The following WDR35 variants were observed in gnomAD, a reference collection of about 807,000 sequenced individuals.
WDR35 encodes the protein WD repeat domain 35, also known as WD repeat-containing protein 35.
In WDR35, 118 loss-of-function variants were observed where a neutral mutation model predicts 158.3. The ratio of observed to expected loss-of-function variants is 0.75; its 90% confidence interval spans 0.64 to 0.87. The LOEUF is 0.87. WDR35 is among the 40% of genes least tolerant of loss of function. The pLI is 0.00. For synonymous variants in WDR35, 448 were observed against 476.1 expected, an observed-to-expected ratio of 0.94 and a Z score of 0.77; for missense variants, 1,263 against 1,405.8, an observed-to-expected ratio of 0.90 and a Z score of 1.62.
intron 26 of WDR35, 21 bp downstream of exon 26, chr2:19,914,016 C>G: frequency 6.2e-7 from 1 of 1,613,328 alleles, no homozygotes; most frequent in Non-Finnish European, 8.5e-7. Flanking sequence ...GAATGGCATC[C>G]ACTAATTAAA....
chr2:19,970,867 C>T (rs1262313945), intron 8 of WDR35, among the ~76,000 whole-genome samples: 1 of 152,186 alleles, frequency 6.6e-6, no homozygotes, highest in African/African-American at 2.4e-5. Context: ...GCTTCCTCAA[C>T]GAGTCCTGCC....
rs1328370575 is a variant in WDR35, at chr2:19,941,644, G to T, written c.1926+115C>A. On this transcript the variant is annotated intron_variant, in intron 17 of 26. Coordinates refer to ENST00000281405, the MANE Select transcript of WDR35 (RefSeq NM_020779.4). ...CTGAACAATAAGAGAGCAGGGCTGG[G>T]CCTGAGATATATCTGACTCCTGGGT... The T allele has an allele frequency of 5.5e-6, 4 of 726,122 alleles. No homozygotes were observed. In the Admixed American group the frequency reaches 7.6e-5, roughly 14 times the overall value. The allele number at this position is 726,122 out of a possible 1,614,324, so 45.0% of individuals were successfully genotyped here.
intron 12 of WDR35, among the ~76,000 whole-genome samples, 167 bp downstream of exon 12, chr2:19,953,667 T>C (rs1016217989): frequency 6.6e-6 from 1 of 152,212 alleles, no homozygotes; most frequent in Non-Finnish European, 1.5e-5. Flanking sequence ...TTCTCTTTTA[T>C]TTTAATAAAT....
At chr2:19,977,397 T>A (rs1306149739) in intron 5 of WDR35, among the ~76,000 whole-genome samples, 2 of 152,190 alleles carry the variant, frequency 1.3e-5, no homozygotes, top group Non-Finnish European at 2.9e-5. Flanking sequence ...GGCATTACCA[T>A]CCATCCAGCT....
At chr2:19,968,613 G>A (rs1671932971) in intron 9 of WDR35, among the ~76,000 whole-genome samples, 1 of 152,222 alleles carries the variant, frequency 6.6e-6, no homozygotes, top group African/African-American at 2.4e-5. Flanking sequence ...TTTGTTGTCT[G>A]AGCACTTCCT....
In WDR35 at chr2:19,965,513, A is replaced by G. The variant is rs949887335; in HGVS notation, c.1194+1211T>C. 3.3e-5 allele frequency among the ~76,000 whole-genome samples: 5 copies of G among 152,302 alleles called. No homozygotes were observed. In the East Asian group the frequency reaches 9.6e-4, roughly 29 times the overall value. ...GAACAGGTCGAATTCTCCTGAGAAGATTTCCAAACTCCCACCTCAAAGCTC... is the reference window on the plus strand; with the variant it reads ...GAACAGGTCGAATTCTCCTGAGAAGGTTTCCAAACTCCCACCTCAAAGCTC... On this transcript the variant is annotated intron_variant, in intron 10 of 26. Coordinates refer to ENST00000281405, the MANE Select transcript of WDR35 (RefSeq NM_020779.4).
Position 19,913,717 on chromosome 2 carries a change from CG to C in WDR35, c.3363-10del. 1 of 1,613,740 alleles carries C rather than the reference CG, an allele frequency of 6.2e-7. No individual in the cohort carries two copies. The highest frequency in any genetic ancestry group is 8.5e-7 in the Non-Finnish European group (1 of 1,179,890). Reference sequence around the variant, plus strand: ...GCAGTTTCCCTTCTCCACTGTAAAACGGGGAGAAACAATTCATTATACTTTA... The same window carrying C: ...GCAGTTTCCCTTCTCCACTGTAAAACGGGAGAAACAATTCATTATACTTTA... On this transcript the variant is annotated splice_polypyrimidine_tract_variant and intron_variant, in intron 26 of 26. Transcript: ENST00000281405.
intron 6 of WDR35, among the ~76,000 whole-genome samples, chr2:19,975,228 G>A (rs1672164419): frequency 6.6e-6 from 1 of 152,074 alleles, no homozygotes. Context: ...AACTTAAACT[G>A]CACATCGCCC....
At position 19,929,295 on chromosome 2, in the gene WDR35, T is replaced by G. The variant is rs550614603; in HGVS notation, c.3121+1101A>C. The stretch of plus-strand genomic sequence containing the variant: ...CATCACTATAGAATTCCAGAAATAT[T>G]CAAATAAAAGAATTTCTCTAAAAGT... On this transcript the variant is annotated intron_variant, in intron 25 of 26. Transcript: ENST00000281405. Among the ~76,000 whole-genome samples, 4 of 152,300 alleles carry G rather than the reference T, an allele frequency of 2.6e-5. No homozygotes were observed. The East Asian group carries it at 7.7e-4, about 29-fold the overall frequency.
Position 19,935,581 on chromosome 2 carries a change from C to T in WDR35, c.2437G>A (p.Val813Ile). ...QKWLNAVQYY[V>I]QGRNQERLAE... ...AAGCGTTCCTGGTTCCGTCCTTGTA[C>T]ATAATATTGTACAGCATTCAACCTA... The change falls in exon 21 of 27, where the codon GTA (valine) becomes ATA (isoleucine). Residue 813 changes from valine (V) to isoleucine (I), a missense_variant. Physicochemically the swap from Val to Ile is conservative, Grantham distance 29. Coordinates refer to ENST00000281405, the MANE Select transcript of WDR35 (RefSeq NM_020779.4). 6.2e-7 allele frequency: 1 copy of T among 1,612,600 alleles called. No homozygotes were observed. The highest frequency in any genetic ancestry group is 8.5e-7 in the Non-Finnish European group (1 of 1,179,566).
intron 25 of WDR35, among the ~76,000 whole-genome samples, chr2:19,918,098 A>G (rs1440292862): frequency 6.6e-6 from 1 of 152,240 alleles, no homozygotes; most frequent in Admixed American, 6.5e-5. Flanking sequence ...CAACATTCTT[A>G]AAGAAAAGAA....
At chr2:19,930,907 A>G (rs991433179) in intron 24 of WDR35, among the ~76,000 whole-genome samples, 5 of 152,320 alleles carry the variant, frequency 3.3e-5, no homozygotes, top group African/African-American at 1.2e-4. Flanking sequence ...AATATAACTA[A>G]TTAGATTCTA....
rs1183804405 is a variant in WDR35 at position 19,913,171 on chromosome 2, AC to A, written c.*386del. The A allele has an allele frequency of 6.1e-6, 1 of 163,544 alleles. No individual in the cohort carries two copies. Among genetic ancestry groups the A allele is most frequent in the Non-Finnish European group, 1.3e-5 (1 of 75,260 alleles). The allele number at this position is 163,544 out of a possible 1,614,324, so 10.1% of individuals were successfully genotyped here. A position where few individuals can be genotyped will look rare whatever the true frequency, so the allele number is the denominator to read the frequency against. ...GGGTTATAAAAATTCTCTAAATTCA[AC>A]TTTGCCCCACTCCCATGCTTCCCCC... On this transcript the variant is annotated 3_prime_UTR_variant, in exon 27 of 27. Coordinates refer to ENST00000281405, the MANE Select transcript of WDR35 (RefSeq NM_020779.4).
At chr2:19,941,971 C>A in intron 16 of WDR35, 132 bp from the exon 17 acceptor site, 1 of 629,238 alleles carries the variant, frequency 1.6e-6, no homozygotes, top group Non-Finnish European at 2.8e-6. Context: ...CCCATATACC[C>A]ATAACCTAAA....
At chr2:19,951,095 A>G (rs1213876623) in intron 13 of WDR35, among the ~76,000 whole-genome samples, 2 of 152,216 alleles carry the variant, frequency 1.3e-5, no homozygotes, top group Admixed American at 1.3e-4. Flanking sequence ...AGACCAATCC[A>G]TGGTCAACTG....
Position 19,953,817 on chromosome 2 carries a change from T to G in WDR35, c.1400+17A>C. The G allele has an allele frequency of 6.2e-7, 1 of 1,613,958 alleles. No individual in the cohort carries two copies. The highest frequency in any genetic ancestry group is 8.5e-7 in the Non-Finnish European group (1 of 1,179,964). On this transcript the variant is annotated intron_variant, in intron 12 of 26. Transcript: ENST00000281405. ...GATATGGTTGAGCTACTAAAAAGTA[T>G]GTATCAAAAGATATACCTTTCTCTC...
intron 2 of WDR35, among the ~76,000 whole-genome samples, chr2:19,983,423 A>G (rs1478236159): frequency 6.6e-6 from 1 of 152,236 alleles, no homozygotes; most frequent in African/African-American, 2.4e-5. Context: ...AATGATAAGA[A>G]TTTTAGATTT....
chr2:19,950,068 T>C (rs1239035080), intron 13 of WDR35, among the ~76,000 whole-genome samples: 3 of 152,104 alleles, frequency 2.0e-5, no homozygotes, highest in Non-Finnish European at 4.4e-5. Context: ...GGCATATGAT[T>C]AAAGGGGTGG....
At chr2:19,982,930 A>G (rs74206789) in intron 2 of WDR35, among the ~76,000 whole-genome samples, 12,836 of 152,166 alleles carry the variant, frequency 0.084, 626 homozygotes, top group East Asian at 0.23. Flanking sequence ...TCACTCATTT[A>G]TTCATTCATT....
Sources: allele counts gnomAD v4.1 joint callset (sites outside exome capture counted in the v4.1 genomes callset), GRCh38; gene constraint gnomAD v4.1.1; transcripts MANE v1.5; gene names NCBI Gene and HGNC (gene_info 2026-07-23, HGNC 2026-07-21).